Variants in SNX24 observed in about 807,000 individuals in gnomAD.
The protein encoded by SNX24 is sorting nexin-24.
A neutral mutation model predicts 28.7 loss-of-function variants in SNX24; 22 were observed. That is an observed-to-expected ratio of 0.77 (90% confidence interval 0.55 to 1.10). The LOEUF is 1.10. Among genes scored for constraint, SNX24 ranks in the 50% least tolerant of loss-of-function variants. The probability of loss-of-function intolerance (pLI) is 0.00; values close to 1 mark genes in which losing one functional copy is unlikely to be tolerated. For synonymous variants in SNX24, 69 were observed against 71.5 expected (o/e 0.96, Z 0.18); for missense variants, 221 against 201.1 (o/e 1.10, Z -0.60).
chr5:122,997,441 C>T (rs1293738298), intron 3 of SNX24, among the ~76,000 whole-genome samples: 1 of 152,132 alleles, frequency 6.6e-6, no homozygotes, highest in Non-Finnish European at 1.5e-5. Context: ...GTTTGGAGAA[C>T]TCTGTTTGGG....
Position 122,862,575 on chromosome 5 carries a change from C to T in SNX24, c.60+16882C>T, listed in dbSNP as rs527599888. On this transcript the variant is annotated intron_variant, in intron 1 of 6. Coordinates refer to ENST00000261369, the MANE Select transcript of SNX24 (RefSeq NM_014035.4). ...CGAGATTGCGCCACTGCACTCCAGC[C>T]TGGGCAACAGAGCAAGACTCTGTCT... Among the ~76,000 whole-genome samples the T allele has an allele frequency of 7.6e-5, 11 of 144,692 alleles. No individual in the cohort carries two copies. In the South Asian group the frequency reaches 2.2e-3, roughly 29 times the overall value. The allele number at this position is 144,692 out of a possible 152,430, so 94.9% of individuals were successfully genotyped here. A position where few individuals can be genotyped will look rare whatever the true frequency, so the allele number is the denominator to read the frequency against.
chr5:122,927,542 T>C (rs926870236), intron 1 of SNX24, among the ~76,000 whole-genome samples: 2 of 152,022 alleles, frequency 1.3e-5, no homozygotes, highest in African/African-American at 4.8e-5. Context: ...AGGGAGAACA[T>C]TGACAGACTG....
chr5:122,980,865 G>C (rs1761364066), intron 3 of SNX24, among the ~76,000 whole-genome samples: 1 of 152,208 alleles, frequency 6.6e-6, no homozygotes, highest in African/African-American at 2.4e-5. Flanking sequence ...TCTACAGGTT[G>C]CTGTTGGTGG....
At chr5:123,011,562 T>G (rs1229251511), downstream of SNX24, among the ~76,000 whole-genome samples, 2 of 152,226 alleles carry the variant, frequency 1.3e-5, no homozygotes, top group Non-Finnish European at 2.9e-5. Context: ...ACAGATGGTT[T>G]TCATCTCATT....
intron 1 of SNX24, among the ~76,000 whole-genome samples, chr5:122,856,445 TG>T (rs35615052): frequency 0.27 from 40,632 of 151,906 alleles, 6,197 homozygotes; most frequent in Admixed American, 0.35. Flanking sequence ...TATGCGTATG[TG>T]GCTTTATGGT....
intron 1 of SNX24, chr5:122,853,768 G>C (rs1025564782): frequency 3.1e-6 from 1 of 321,138 alleles, no homozygotes; most frequent in African/African-American, 2.2e-5. Flanking sequence ...CATTACAGCC[G>C]TAAGCCACTG....
At chr5:122,946,034 T>A in intron 2 of SNX24, 21 bp from the exon 3 acceptor site, 10 of 1,317,230 alleles carry the variant, frequency 7.6e-6, no homozygotes, top group Non-Finnish European at 1.1e-5. Flanking sequence ...TTCTTTTTCT[T>A]TTCCTATTCT....
intron 5 of SNX24, chr5:123,022,471 GTT>G (rs35906519): frequency 6.3e-5 from 9 of 142,932 alleles, no homozygotes; most frequent in Non-Finnish European, 9.1e-5. Context: ...TTTCCCATTA[GTT>G]TTTTTTTTTT....
At chr5:122,909,372 G>A (rs944130476) in intron 1 of SNX24, among the ~76,000 whole-genome samples, 5 of 152,186 alleles carry the variant, frequency 3.3e-5, no homozygotes, top group African/African-American at 1.2e-4. Flanking sequence ...AAGTGTTACT[G>A]TCTTTATTTA....
At chr5:122,886,200 A>G (rs2150065782) in intron 1 of SNX24, among the ~76,000 whole-genome samples, 1 of 152,356 alleles carries the variant, frequency 6.6e-6, no homozygotes, top group Middle Eastern at 3.4e-3. Flanking sequence ...CTAAAGACAT[A>G]CAATTGATTC....
At chr5:122,860,117 A>G (rs1436882599) in intron 1 of SNX24, among the ~76,000 whole-genome samples, 2 of 152,204 alleles carry the variant, frequency 1.3e-5, no homozygotes, top group African/African-American at 4.8e-5. Flanking sequence ...TACAGATGCA[A>G]AGTTTTCCCC....
intron 1 of SNX24, among the ~76,000 whole-genome samples, chr5:122,908,453 G>A (rs1412870602): frequency 6.6e-6 from 1 of 152,116 alleles, no homozygotes; most frequent in East Asian, 1.9e-4. Context: ...ATATAAACAC[G>A]AAGAAAAATT....
At chr5:122,977,971 A>T (rs1761237933) in intron 3 of SNX24, among the ~76,000 whole-genome samples, 1 of 152,214 alleles carries the variant, frequency 6.6e-6, no homozygotes, top group African/African-American at 2.4e-5. Context: ...ATAGTCTTTG[A>T]TGTGAAATGA....
chr5:122,911,885 G>A (rs1007686836), intron 1 of SNX24, among the ~76,000 whole-genome samples: 5 of 148,696 alleles, frequency 3.4e-5, no homozygotes, highest in African/African-American at 1.3e-4. Flanking sequence ...TTGTAGTATA[G>A]TTTGAAGTCA....
At chr5:122,995,653 A>G (rs1434098317) in intron 3 of SNX24, among the ~76,000 whole-genome samples, 1 of 151,782 alleles carries the variant, frequency 6.6e-6, no homozygotes, top group Admixed American at 6.6e-5. Context: ...ACAGTATTTC[A>G]CTCTGTGTGT....
At chr5:122,884,443 C>T (rs2081012) in intron 1 of SNX24, among the ~76,000 whole-genome samples, 1 of 151,662 alleles carries the variant, frequency 6.6e-6, no homozygotes, top group Non-Finnish European at 1.5e-5. Context: ...GGTGGGGTTT[C>T]ACCATGCTGG....
At chr5:122,969,386 TG>T (rs752792009) in intron 3 of SNX24, among the ~76,000 whole-genome samples, 14 of 152,214 alleles carry the variant, frequency 9.2e-5, no homozygotes, top group Non-Finnish European at 1.8e-4. Flanking sequence ...AAACATTTCC[TG>T]GTTTTGCCTT....
At chr5:122,915,650 T>C (rs1758127364) in intron 1 of SNX24, among the ~76,000 whole-genome samples, 1 of 152,134 alleles carries the variant, frequency 6.6e-6, no homozygotes. Flanking sequence ...TTTTTTTTCA[T>C]AGTGCACATC....
intron 1 of SNX24, among the ~76,000 whole-genome samples, chr5:122,901,870 C>T (rs145139706): frequency 1.3e-5 from 2 of 152,328 alleles, no homozygotes; most frequent in Admixed American, 1.3e-4. Context: ...TGTCCCTGGA[C>T]ATCCTGTGGT....
Sources: allele counts gnomAD v4.1 joint callset (sites outside exome capture counted in the v4.1 genomes callset), GRCh38; gene constraint gnomAD v4.1.1; transcripts MANE v1.5; gene names NCBI Gene and HGNC (gene_info 2026-07-23, HGNC 2026-07-21).